The following PRKG1 variants were observed in gnomAD, a reference collection of about 807,000 sequenced individuals.
The protein encoded by PRKG1 is protein kinase cGMP-dependent 1, also known as cGMP-dependent protein kinase 1.
A neutral mutation model predicts 88.1 loss-of-function variants in PRKG1; 35 were observed. That is an observed-to-expected ratio of 0.40 (90% CI 0.30 to 0.53). The LOEUF (loss-of-function observed/expected upper bound fraction) is 0.53, where lower values mean the gene tolerates loss of function less well. Among genes scored for constraint, PRKG1 ranks in the 20% least tolerant of loss-of-function variants. PRKG1 has a pLI of 0.59. For missense variants in PRKG1, 540 were observed against 839.8 expected, an observed-to-expected ratio of 0.64 and a Z score of 4.41; for synonymous variants, 303 against 292.5, an observed-to-expected ratio of 1.04 and a Z score of -0.37.
intron 3 of PRKG1, among the ~76,000 whole-genome samples, chr10:51,734,227 G>T (rs977717188): frequency 1.3e-5 from 2 of 151,926 alleles, no homozygotes; most frequent in Non-Finnish European, 2.9e-5. Flanking sequence ...GATGATCAAG[G>T]TATGCATTTT....
chr10:51,127,813 A>G (rs913405600), intron 1 of PRKG1, among the ~76,000 whole-genome samples: 1 of 152,226 alleles, frequency 6.6e-6, no homozygotes, highest in East Asian at 1.9e-4. Flanking sequence ...TTGCAGGGAC[A>G]TAGATGAAGC....
chr10:52,255,347 T>C (rs1301980795), intron 10 of PRKG1, among the ~76,000 whole-genome samples: 1 of 152,094 alleles, frequency 6.6e-6, no homozygotes, highest in Non-Finnish European at 1.5e-5. Flanking sequence ...GAAAGGCACC[T>C]GCTTTTCAGA....
chr10:51,752,910 A>G (rs917286870), intron 3 of PRKG1, among the ~76,000 whole-genome samples: 3 of 152,136 alleles, frequency 2.0e-5, no homozygotes, highest in African/African-American at 7.2e-5. Flanking sequence ...TGTTCTAAGC[A>G]TAGCCTAAGA....
intron 2 of PRKG1, among the ~76,000 whole-genome samples, chr10:51,176,785 T>A (rs552140491): frequency 1.3e-5 from 2 of 152,230 alleles, no homozygotes; most frequent in South Asian, 4.1e-4. Context: ...ACTTGGAGTA[T>A]GATGGAGATG....
chr10:51,894,373 G>T (rs1841791751), intron 4 of PRKG1, among the ~76,000 whole-genome samples: 1 of 152,168 alleles, frequency 6.6e-6, no homozygotes, highest in South Asian at 2.1e-4. Context: ...AATTCATAGA[G>T]AGAGAAAGTA....
At chr10:51,637,645 A>G (rs1839691775) in intron 3 of PRKG1, among the ~76,000 whole-genome samples, 1 of 152,218 alleles carries the variant, frequency 6.6e-6, no homozygotes, top group Admixed American at 6.5e-5. Context: ...GGAAGCCATT[A>G]TCCTCAGCAA....
Position 51,445,932 on chromosome 10 carries a change from A to G in PRKG1, c.479-21791A>G, listed in dbSNP as rs570887299. Among the ~76,000 whole-genome samples, 132 of 152,014 alleles carry G rather than the reference A, an allele frequency of 8.7e-4. 1 individual carries two copies. The highest frequency in any genetic ancestry group is 3.1e-3 in the African/African-American group (127 of 41,532). ...ACCTCTAAACCCTGCTCAAACATTCAATCAGCAAACGTTTATCTATCACTT... is the reference window on the plus strand; with the variant it reads ...ACCTCTAAACCCTGCTCAAACATTCGATCAGCAAACGTTTATCTATCACTT... On this transcript the variant is annotated intron_variant, in intron 2 of 17. Transcript: ENST00000373980.
At chr10:51,980,608 G>A (rs1843982082) in intron 5 of PRKG1, among the ~76,000 whole-genome samples, 1 of 152,080 alleles carries the variant, frequency 6.6e-6, no homozygotes, top group African/African-American at 2.4e-5. Context: ...TTATTGTGTT[G>A]GAGTCTAAGT....
At chr10:52,111,454 G>A (rs1847563005) in intron 7 of PRKG1, among the ~76,000 whole-genome samples, 1 of 152,190 alleles carries the variant, frequency 6.6e-6, no homozygotes, top group Non-Finnish European at 1.5e-5. Flanking sequence ...ATATTGTGAT[G>A]TTTCTCTACT....
intron 5 of PRKG1, among the ~76,000 whole-genome samples, chr10:52,036,923 G>T (rs554958880): frequency 6.6e-6 from 1 of 152,198 alleles, no homozygotes; most frequent in Non-Finnish European, 1.5e-5. Flanking sequence ...GGTAGCCTCC[G>T]TATTGATTAA....
At chr10:51,658,437 A>T (rs1840215552) in intron 3 of PRKG1, among the ~76,000 whole-genome samples, 1 of 152,062 alleles carries the variant, frequency 6.6e-6, no homozygotes, top group East Asian at 1.9e-4. Context: ...CAAAATGACA[A>T]ATGTCCCTTC....
At chr10:51,131,013 AG>A (rs1350330857) in intron 1 of PRKG1, among the ~76,000 whole-genome samples, 1 of 152,236 alleles carries the variant, frequency 6.6e-6, no homozygotes, top group Non-Finnish European at 1.5e-5. Context: ...GATGAAAATG[AG>A]TTTTATTAAA....
chr10:52,252,937 G>C (rs1841211745), intron 10 of PRKG1: 1 of 151,718 alleles, frequency 6.6e-6, no homozygotes, highest in East Asian at 1.9e-4. Flanking sequence ...AAGAACTTTG[G>C]TTTTGTGGCA....
chr10:51,054,681 C>T (rs1843606481), intron 1 of PRKG1, among the ~76,000 whole-genome samples: 1 of 152,070 alleles, frequency 6.6e-6, no homozygotes, highest in South Asian at 2.1e-4. Flanking sequence ...GTGAACCTTT[C>T]GTTATAATCA....
chr10:51,868,901 A>T (rs1841085888), intron 4 of PRKG1, among the ~76,000 whole-genome samples: 1 of 152,170 alleles, frequency 6.6e-6, no homozygotes. Flanking sequence ...ATAAAGAGGG[A>T]TTTTGTTGAA....
chr10:52,209,829 ACT>A (rs750979363), intron 9 of PRKG1, among the ~76,000 whole-genome samples: 79 of 151,146 alleles, frequency 5.2e-4, no homozygotes, highest in Non-Finnish European at 6.8e-4. Context: ...TCATACCAAC[ACT>A]CTCTCTCACC....
chr10:52,165,956 T>G (rs1339403813), intron 9 of PRKG1, among the ~76,000 whole-genome samples: 1 of 152,230 alleles, frequency 6.6e-6, no homozygotes, highest in Non-Finnish European at 1.5e-5. Flanking sequence ...GCAGGATAGG[T>G]GCCCTCAGTC....
chr10:51,129,759 C>T (rs148312114), intron 1 of PRKG1, among the ~76,000 whole-genome samples: 38 of 152,286 alleles, frequency 2.5e-4, no homozygotes, highest in African/African-American at 8.9e-4. Flanking sequence ...TTGGTAGCCA[C>T]GTTGCCACAA....
intron 3 of PRKG1, among the ~76,000 whole-genome samples, chr10:51,521,220 G>A (rs758344512): frequency 1.3e-5 from 2 of 152,162 alleles, no homozygotes; most frequent in African/African-American, 2.4e-5. Flanking sequence ...CCCAGGAGGC[G>A]GAGGTTGCAG....
Sources: allele counts gnomAD v4.1 joint callset (sites outside exome capture counted in the v4.1 genomes callset), GRCh38; gene constraint gnomAD v4.1.1; transcripts MANE v1.5; gene names NCBI Gene and HGNC (gene_info 2026-07-23, HGNC 2026-07-21).